BAZ1A: variants seen among roughly 807,000 people sequenced by gnomAD.
BAZ1A encodes the protein bromodomain adjacent to zinc finger domain protein 1A.
A neutral mutation model predicts 185.2 loss-of-function variants in BAZ1A; 50 were observed. The ratio of observed to expected loss-of-function variants is 0.27; its 90% CI spans 0.22 to 0.34. The LOEUF (loss-of-function observed/expected upper bound fraction) is 0.34. Ranked by LOEUF, BAZ1A falls within the 10% of genes least tolerant of loss-of-function variation. BAZ1A has a pLI of 1.00. For synonymous variants in BAZ1A, 571 were observed against 615.6 expected (o/e 0.93, Z 1.07); for missense variants, 1,356 against 1,839.9 (o/e 0.74, Z 4.81).
intron 3 of BAZ1A, among the ~76,000 whole-genome samples, chr14:34,847,793 A>G (rs1396909200): frequency 1.3e-5 from 2 of 152,106 alleles, no homozygotes; most frequent in African/African-American, 4.8e-5. Context: ...TAAAAAATCA[A>G]TTTTCTCATT....
chr14:34,829,627 A>T (rs2042212118), intron 3 of BAZ1A, among the ~76,000 whole-genome samples: 1 of 152,164 alleles, frequency 6.6e-6, no homozygotes, highest in Non-Finnish European at 1.5e-5. Flanking sequence ...GTCATCATAT[A>T]CAAAACTTGT....
chr14:34,866,531 A>G (rs1475972111), intron 2 of BAZ1A, among the ~76,000 whole-genome samples: 1 of 143,006 alleles, frequency 7.0e-6, no homozygotes, highest in East Asian at 2.0e-4. Flanking sequence ...TTCCTATAGA[A>G]ACAAACATAT....
At chr14:34,808,031 G>A (rs911098631) in intron 5 of BAZ1A, among the ~76,000 whole-genome samples, 7 of 152,104 alleles carry the variant, frequency 4.6e-5, no homozygotes, top group African/African-American at 1.7e-4. Flanking sequence ...CATGAACACA[G>A]GAGGCAGTGA....
At chr14:34,846,326 G>C (rs546100495) in intron 3 of BAZ1A, among the ~76,000 whole-genome samples, 6 of 152,130 alleles carry the variant, frequency 3.9e-5, no homozygotes, top group African/African-American at 1.4e-4. Flanking sequence ...ACTGCATATG[G>C]CATCAGTGTA....
intron 5 of BAZ1A, among the ~76,000 whole-genome samples, chr14:34,809,022 T>G (rs1202720383): frequency 2.0e-5 from 3 of 152,198 alleles, no homozygotes; most frequent in Admixed American, 1.3e-4. Flanking sequence ...GCAGACTTTT[T>G]TTGTTGTCAG....
intron 3 of BAZ1A, among the ~76,000 whole-genome samples, chr14:34,853,660 G>A (rs773223557): frequency 4.6e-5 from 7 of 152,134 alleles, no homozygotes; most frequent in Admixed American, 6.6e-5. Context: ...GGTGGCACAC[G>A]CCTGTAATCT....
At position 34,801,155 on chromosome 14, in the gene BAZ1A, A is replaced by G. The variant is rs1380382855; in HGVS notation, c.900T>C (p.Tyr300=). ...NVANKQTLAS[Y]RSKATKERDK... is the part of the protein sequence containing the mutation. ...CTCTTTCTTTAGTAGCTTTGCTCCT[A>G]TAACTTGCAAGAGTCTGTTTATTAG... The change falls in exon 8 of 27, where the codon TAT becomes TAC. Residue 300 remains tyrosine (Y), a synonymous_variant. Transcript: ENST00000360310. 6 of 1,607,786 alleles carry G rather than the reference A, an allele frequency of 3.7e-6. No homozygotes were observed. The South Asian group carries it at 4.5e-5, about 12-fold the overall frequency.
intron 3 of BAZ1A, among the ~76,000 whole-genome samples, chr14:34,858,319 G>A (rs755348195): frequency 6.6e-6 from 1 of 151,988 alleles, no homozygotes; most frequent in East Asian, 1.9e-4. Context: ...GTGCAGTGGC[G>A]TGATCTCGGT....
rs1049057789 is a variant in BAZ1A, at chr14:34,874,488, T to C, written c.113+4A>G. The C allele has an allele frequency of 2.5e-6, 4 of 1,611,512 alleles. No homozygotes were observed. In the African/African-American group the frequency reaches 4.0e-5, roughly 16 times the overall value. ...CGCGGCCCCGCACACGGCCCGGCTC[T>C]TACTCGTAGTGGCGGAAGATCTCGT... On this transcript the variant is annotated splice_donor_region_variant and intron_variant, in intron 2 of 26. Transcript: ENST00000360310. This position sits in a 1 kb window ranked among gnomAD's most constrained non-coding sequence, Gnocchi z 4.7.
At position 34,803,968 on chromosome 14, in the gene BAZ1A, C is replaced by G. The variant is rs190380287; in HGVS notation, c.727-980G>C. On this transcript the variant is annotated intron_variant, in intron 6 of 26. Coordinates refer to ENST00000360310, the MANE Select transcript of BAZ1A (RefSeq NM_013448.3). ...GAGTTTATCTCCTTTTACCTTGTAT[C>G]TAGAATTTGTTTGCCTTTTAAAGTT... 3.2e-4 allele frequency among the ~76,000 whole-genome samples: 48 copies of G among 152,128 alleles called. 2 individuals are homozygous for G. The highest frequency in any genetic ancestry group is 1.1e-3 in the African/African-American group (47 of 41,520).
At chr14:34,814,529 C>T (rs1169646108) in intron 4 of BAZ1A, among the ~76,000 whole-genome samples, 1 of 151,832 alleles carries the variant, frequency 6.6e-6, no homozygotes, top group Admixed American at 6.6e-5. Flanking sequence ...AATACAGTGG[C>T]GCAATCACGG....
intron 3 of BAZ1A, among the ~76,000 whole-genome samples, chr14:34,837,773 A>C (rs890945225): frequency 5.3e-5 from 8 of 152,232 alleles, no homozygotes; most frequent in African/African-American, 1.9e-4. Context: ...ATAGGTATTC[A>C]ATTGTTTGTG....
At chr14:34,866,502 A>AAAAAAAAAAAAAAAAAAAAAAAAG in intron 2 of BAZ1A, among the ~76,000 whole-genome samples, 1 of 79,538 alleles carries the variant, frequency 1.3e-5, no homozygotes, top group Non-Finnish European at 2.8e-5. Context: ...AAAAAAAAAA[A>AAAAAAAAAAAAAAAAAAAAAAAAG]GAAAAAAGTT....
chr14:34,838,963 G>A (rs147384447), intron 3 of BAZ1A, among the ~76,000 whole-genome samples: 7 of 152,178 alleles, frequency 4.6e-5, no homozygotes, highest in African/African-American at 9.6e-5. Context: ...ATAAATACAC[G>A]ATGAAAGTAA....
intron 3 of BAZ1A, among the ~76,000 whole-genome samples, chr14:34,845,657 G>A (rs1028564704): frequency 2.0e-5 from 3 of 151,922 alleles, no homozygotes; most frequent in Non-Finnish European, 2.9e-5. Context: ...TCAAGAGATC[G>A]AGACCATCCT....
In BAZ1A at chr14:34,805,480, T is replaced by C. The variant is rs978029194; in HGVS notation, c.726+1971A>G. ...AGAAATCTTTGCAAATTAGAGGAAT[T>C]GGCCAACTGGGTGTTTACAATATAC... On this transcript the variant is annotated intron_variant, in intron 6 of 26. Coordinates refer to ENST00000360310, the MANE Select transcript of BAZ1A (RefSeq NM_013448.3). Among the ~76,000 whole-genome samples, 55 of 152,226 alleles carry C rather than the reference T, an allele frequency of 3.6e-4. 1 individual carries two copies. Among genetic ancestry groups the C allele is most frequent in the Non-Finnish European group, 2.5e-4 (17 of 68,040 alleles).
chr14:34,768,392 A>T (rs1878990965), intron 21 of BAZ1A, among the ~76,000 whole-genome samples: 2 of 152,224 alleles, frequency 1.3e-5, no homozygotes, highest in Admixed American at 1.3e-4. Context: ...ACAGGTAAAC[A>T]TAAGTTCCAC....
Position 34,818,937 on chromosome 14 carries a change from C to T in BAZ1A, c.536+7076G>A, listed in dbSNP as rs577492039. 5.5e-3 allele frequency among the ~76,000 whole-genome samples: 839 copies of T among 151,858 alleles called. 8 individuals carry two copies. The highest frequency in any genetic ancestry group is 0.02 in the African/African-American group (808 of 41,424). ...CGGGCGGATCACGAGGTCAGGAGAT[C>T]GAGACCATCCTGGCTAATCCGGTGA... is the stretch of plus-strand genomic sequence containing the variant. On this transcript the variant is annotated intron_variant, in intron 4 of 26. Transcript: ENST00000360310.
intron 3 of BAZ1A, among the ~76,000 whole-genome samples, chr14:34,848,567 A>C (rs2042550999): frequency 6.6e-6 from 1 of 152,216 alleles, no homozygotes; most frequent in Admixed American, 6.5e-5. Flanking sequence ...GCGCCACTCC[A>C]GCCTGGGCGA....
Sources: gnomAD v4.1 joint callset for allele counts (sites outside exome capture counted in the v4.1 genomes callset) on GRCh38, gnomAD v4.1.1 for gene constraint, Gnocchi (gnomAD v3.1) non-coding constraint, MANE v1.5 for transcripts, NCBI Gene and HGNC (gene_info 2026-07-23, HGNC 2026-07-21) for gene names.